The following ALK variants were observed in gnomAD, a reference collection of about 807,000 sequenced individuals.
ALK encodes the protein ALK tyrosine kinase receptor.
In ALK, 74 loss-of-function variants were observed where a neutral mutation model predicts 163.1. That is an observed-to-expected ratio of 0.45 (90% CI 0.38 to 0.55). The LOEUF (loss-of-function observed/expected upper bound fraction) is 0.55. Ranked by LOEUF, ALK falls within the 20% of genes least tolerant of loss-of-function variation. The pLI, the probability that ALK is intolerant of heterozygous loss-of-function variation, is 0.00. For missense variants in ALK, 2,063 were observed against 2,105.3 expected (o/e 0.98, Z 0.39); for synonymous variants, 960 against 843.2 (o/e 1.14, Z -2.40).
chr2:29,697,977 A>G (rs1472073621), intron 2 of ALK, among the ~76,000 whole-genome samples: 4 of 152,186 alleles, frequency 2.6e-5, no homozygotes, highest in Non-Finnish European at 5.9e-5. Context: ...AAACTATTCA[A>G]TTGTAGGAGA....
intron 4 of ALK, among the ~76,000 whole-genome samples, chr2:29,502,265 G>C (rs574733536): frequency 6.6e-6 from 1 of 152,164 alleles, no homozygotes; most frequent in Non-Finnish European, 1.5e-5. Flanking sequence ...ACCATTGCTG[G>C]CTTCTTTGGT....
In ALK at chr2:29,275,114, T is replaced by C. The variant is rs1665498306; in HGVS notation, c.2026A>G (p.Ile676Val). The C allele has an allele frequency of 6.2e-7, 1 of 1,614,022 alleles. No individual in the cohort carries two copies. Among genetic ancestry groups the C allele is most frequent in the African/African-American group, 1.3e-5 (1 of 74,940 alleles). Residue 676 changes from isoleucine to valine, a missense_variant, in exon 11 of 29, where the codon ATC (isoleucine) becomes GTC (valine). Ile to Val is a conservative substitution (Grantham distance 29, BLOSUM62 3). Transcript: ENST00000389048. ...GAACCCTTACCTGTAGGGTCAAAGATGGGGGTCTGTCTTGGTGAATTTTCC... is the reference window on the plus strand; with the variant it reads ...GAACCCTTACCTGTAGGGTCAAAGACGGGGGTCTGTCTTGGTGAATTTTCC... ...PGENSPRQTP[I>V]FDPTVHWLFT...
chr2:29,240,648 T>C (rs1664500726), intron 12 of ALK, among the ~76,000 whole-genome samples: 1 of 151,886 alleles, frequency 6.6e-6, no homozygotes, highest in Admixed American at 6.6e-5. Flanking sequence ...ATGATGAAAA[T>C]AAAAACAGAG....
intron 3 of ALK, among the ~76,000 whole-genome samples, chr2:29,639,955 G>T (rs1395604747): frequency 1.3e-5 from 2 of 152,192 alleles, no homozygotes; most frequent in Non-Finnish European, 2.9e-5. Flanking sequence ...GATCAAATGT[G>T]CTGGGTCTTG....
At chr2:29,396,240 G>A (rs1286412649) in intron 4 of ALK, among the ~76,000 whole-genome samples, 1 of 152,194 alleles carries the variant, frequency 6.6e-6, no homozygotes, top group Admixed American at 6.5e-5. Flanking sequence ...AGGCTTGATA[G>A]ATGTTAAGAG....
At chr2:29,407,098 C>T (rs1330907381) in intron 4 of ALK, among the ~76,000 whole-genome samples, 1 of 152,110 alleles carries the variant, frequency 6.6e-6, no homozygotes, top group Non-Finnish European at 1.5e-5. Context: ...GGTTCATCCT[C>T]AGTCCTGGAC....
At chr2:29,471,091 C>T (rs1671336805) in intron 4 of ALK, among the ~76,000 whole-genome samples, 1 of 151,956 alleles carries the variant, frequency 6.6e-6, no homozygotes. Flanking sequence ...AAGTAGGATA[C>T]ACAGTTAACA....
chr2:29,372,121 G>T (rs552373480), intron 5 of ALK, among the ~76,000 whole-genome samples: 1 of 152,300 alleles, frequency 6.6e-6, no homozygotes, highest in African/African-American at 2.4e-5. Flanking sequence ...GATTCTTTGG[G>T]TTTGCATGCT....
chr2:29,263,586 G>A (rs1665141118), intron 11 of ALK, among the ~76,000 whole-genome samples: 2 of 152,098 alleles, frequency 1.3e-5, no homozygotes, highest in Non-Finnish European at 2.9e-5. Context: ...AGAAAGCAGT[G>A]GGGAAGCATT....
chr2:29,217,168 ATGTC>A (rs1239030248), intron 23 of ALK, among the ~76,000 whole-genome samples: 9 of 143,530 alleles, frequency 6.3e-5, no homozygotes, highest in African/African-American at 1.6e-4. Flanking sequence ...TGTTGTGTAT[ATGTC>A]TGTGTGTTGT....
intron 5 of ALK, among the ~76,000 whole-genome samples, chr2:29,382,166 T>A (rs1360329318): frequency 6.6e-6 from 1 of 152,192 alleles, no homozygotes; most frequent in Non-Finnish European, 1.5e-5. Context: ...AGAGGAAGAC[T>A]CATCTTCTCC....
intron 1 of ALK, among the ~76,000 whole-genome samples, chr2:29,875,241 A>G (rs1157925858): frequency 6.6e-6 from 1 of 152,158 alleles, no homozygotes. Context: ...AGTAGACTAG[A>G]GGTTACTAGG....
chr2:29,461,044 C>T lies in ALK; in HGVS notation c.1154+70871G>A, dbSNP rs115287127. ...TTATTGCTGCTGTGCAGAAAAGTTTCGGTGTTCTGAATAGGAGATCAAATC... is the reference window on the plus strand; with the variant it reads ...TTATTGCTGCTGTGCAGAAAAGTTTTGGTGTTCTGAATAGGAGATCAAATC... On this transcript the variant is annotated intron_variant, in intron 4 of 28. Transcript: ENST00000389048. Among the ~76,000 whole-genome samples, 465 of 152,274 alleles carry T rather than the reference C, an allele frequency of 3.1e-3. 8 individuals carry two copies. Among genetic ancestry groups the T allele is most frequent in the African/African-American group, 0.011 (446 of 41,564 alleles).
intron 3 of ALK, among the ~76,000 whole-genome samples, chr2:29,579,858 A>AC (rs1229350837): frequency 1.3e-5 from 2 of 152,090 alleles, no homozygotes; most frequent in Non-Finnish European, 2.9e-5. Flanking sequence ...AAGGTTCTGC[A>AC]CCCCCCAGAA....
chr2:29,636,943 T>C (rs1462559266), intron 3 of ALK, among the ~76,000 whole-genome samples: 2 of 152,120 alleles, frequency 1.3e-5, no homozygotes, highest in Admixed American at 6.6e-5. Context: ...CAACACCAAA[T>C]ACTGATAAGG....
intron 4 of ALK, among the ~76,000 whole-genome samples, chr2:29,418,349 A>G (rs1196828689): frequency 3.3e-5 from 5 of 152,008 alleles, no homozygotes; most frequent in South Asian, 2.1e-4. Context: ...TATGCTCTCT[A>G]CTCTCTTGTT....
chr2:29,426,805 C>T (rs532384647), intron 4 of ALK, among the ~76,000 whole-genome samples: 5 of 151,896 alleles, frequency 3.3e-5, no homozygotes, highest in East Asian at 1.9e-4. Context: ...TTTGGGAGGC[C>T]GAGGTGGGTA....
chr2:29,591,535 T>G (rs903680621), intron 3 of ALK, among the ~76,000 whole-genome samples: 22 of 152,068 alleles, frequency 1.4e-4, no homozygotes, highest in African/African-American at 4.1e-4. Context: ...GGGAAGAATA[T>G]AAAACGTCAG....
chr2:29,598,520 T>C (rs1406657189), intron 3 of ALK, among the ~76,000 whole-genome samples: 3 of 152,328 alleles, frequency 2.0e-5, no homozygotes, highest in South Asian at 2.1e-4. Flanking sequence ...TGAAAGCTCA[T>C]GGCTTCACAG....
Sources: allele counts gnomAD v4.1 joint callset (sites outside exome capture counted in the v4.1 genomes callset), GRCh38; gene constraint gnomAD v4.1.1; transcripts MANE v1.5; gene names NCBI Gene and HGNC (gene_info 2026-07-23, HGNC 2026-07-21).